Variants in DEPDC5 observed in about 807,000 individuals in gnomAD.
The protein encoded by DEPDC5 is GATOR1 complex protein DEPDC5.
DEPDC5 carries 73 observed loss-of-function variants against 217.3 expected under a neutral mutation model. The ratio of observed to expected loss-of-function variants is 0.34; its 90% CI spans 0.28 to 0.41. The LOEUF (loss-of-function observed/expected upper bound fraction) is 0.41, where lower values mean the gene tolerates loss of function less well. Among genes scored for constraint, DEPDC5 ranks in the 10% least tolerant of loss-of-function variants. The pLI is 1.00. For synonymous variants in DEPDC5, 733 were observed against 756.7 expected, an observed-to-expected ratio of 0.97 and a Z score of 0.51; for missense variants, 1,675 against 2,070.1, an observed-to-expected ratio of 0.81 and a Z score of 3.70.
chr22:31,829,771 C>T (rs929343396), intron 24 of DEPDC5, among the ~76,000 whole-genome samples: 1 of 152,122 alleles, frequency 6.6e-6, no homozygotes, highest in Non-Finnish European at 1.5e-5. Context: ...GCAGTCTTCA[C>T]TTGTTTTTCA....
intron 2 of DEPDC5, 84 bp downstream of exon 2, chr22:31,755,063 G>T (rs955975377): frequency 4.6e-6 from 7 of 1,516,046 alleles, no homozygotes; most frequent in Non-Finnish European, 6.4e-6. Context: ...ACACTGACTC[G>T]TGTGACAATT....
At chr22:31,795,441 T>G (rs543712416) in intron 12 of DEPDC5, among the ~76,000 whole-genome samples, 9 of 152,064 alleles carry the variant, frequency 5.9e-5, no homozygotes, top group Non-Finnish European at 1.0e-4. Context: ...TCACCCAGGC[T>G]GGAGTGCAGT....
chr22:31,879,364 A>G (rs973404945), intron 37 of DEPDC5, among the ~76,000 whole-genome samples, 161 bp from the exon 38 acceptor site: 4 of 151,906 alleles, frequency 2.6e-5, no homozygotes, highest in Non-Finnish European at 5.9e-5. Context: ...AGATTTGCCT[A>G]TTTGCTACGT....
chr22:31,800,638 G>T (rs1421166098), intron 14 of DEPDC5, among the ~76,000 whole-genome samples: 1 of 151,800 alleles, frequency 6.6e-6, no homozygotes, highest in Non-Finnish European at 1.5e-5. Flanking sequence ...TAAAAAATAA[G>T]AATTAAAATA....
chr22:31,843,544 A>G, intron 28 of DEPDC5, 101 bp from the exon 29 acceptor site: 1 of 1,395,990 alleles, frequency 7.2e-7, no homozygotes, highest in Non-Finnish European at 9.7e-7. Context: ...TGAGGGGTAA[A>G]TGTCAAGGAT....
chr22:31,883,355 G>A (rs1459981079), intron 38 of DEPDC5, among the ~76,000 whole-genome samples: 1 of 152,152 alleles, frequency 6.6e-6, no homozygotes, highest in Non-Finnish European at 1.5e-5. Context: ...TTTGGGGTAG[G>A]ATGAATGGTC....
At chr22:31,873,127 A>G (rs1474853893) in intron 34 of DEPDC5, 128 bp from the exon 35 acceptor site, 4 of 1,543,326 alleles carry the variant, frequency 2.6e-6, no homozygotes, top group Middle Eastern at 1.7e-4. Context: ...GGAATTTACT[A>G]AAATGCCTTT....
At chr22:31,774,660 G>A (rs1363593952) in intron 7 of DEPDC5, among the ~76,000 whole-genome samples, 2 of 150,868 alleles carry the variant, frequency 1.3e-5, no homozygotes, top group Non-Finnish European at 2.9e-5. Flanking sequence ...AGACAACATG[G>A]TGAAACCCCG....
intron 39 of DEPDC5, 132 bp downstream of exon 39, chr22:31,893,883 TA>T (rs1318381548): frequency 1.9e-6 from 2 of 1,045,468 alleles, no homozygotes; most frequent in Non-Finnish European, 2.6e-6. Flanking sequence ...ACTATTGGAG[TA>T]ACCTTTTTAA....
rs115660094 is a variant in DEPDC5, at chr22:31,818,771, T to G, written c.1667-251T>G. 4.2e-3 allele frequency among the ~76,000 whole-genome samples: 637 copies of G among 152,352 alleles called. 4 individuals are homozygous for G. Among genetic ancestry groups the G allele is most frequent in the African/African-American group, 0.015 (609 of 41,576 alleles). On this transcript the variant is annotated intron_variant, in intron 21 of 42. Coordinates refer to ENST00000651528, the MANE Select transcript of DEPDC5 (RefSeq NM_001242896.3). ...GGATCTTCAGGCAGTGTCCTTCCCA[T>G]CAGATTTGGTTGTGACTTCATTTTG...
At chr22:31,804,016 T>C in intron 15 of DEPDC5, 146 bp from the exon 16 acceptor site, 1 of 682,964 alleles carries the variant, frequency 1.5e-6, no homozygotes, top group South Asian at 2.0e-5. Context: ...TACTTCTTTG[T>C]TGGATAGGCA....
At chr22:31,882,743 C>G (rs1346499482) in intron 38 of DEPDC5, among the ~76,000 whole-genome samples, 1 of 151,390 alleles carries the variant, frequency 6.6e-6, no homozygotes, top group African/African-American at 2.4e-5. Context: ...CATTCTTTCT[C>G]TTTTTTTTTA....
intron 40 of DEPDC5, among the ~76,000 whole-genome samples, chr22:31,898,051 C>G (rs760069679): frequency 6.6e-6 from 1 of 152,062 alleles, no homozygotes; most frequent in Non-Finnish European, 1.5e-5. Context: ...TATGCTATTT[C>G]GTGCAAAAAG....
intron 32 of DEPDC5, 71 bp from the exon 33 acceptor site, chr22:31,861,297 C>A: frequency 7.1e-7 from 1 of 1,408,148 alleles, no homozygotes; most frequent in Non-Finnish European, 9.8e-7. Flanking sequence ...TGATGGTTAA[C>A]CACTGGTACA....
chr22:31,819,759 C>T (rs571227260), intron 22 of DEPDC5, among the ~76,000 whole-genome samples: 4 of 152,226 alleles, frequency 2.6e-5, no homozygotes, highest in African/African-American at 4.8e-5. Context: ...TGTGAGCCAC[C>T]GCATCCGGCC....
At chr22:31,802,958 C>T in intron 15 of DEPDC5, 120 bp downstream of exon 15, 2 of 1,308,070 alleles carry the variant, frequency 1.5e-6, no homozygotes, top group Non-Finnish European at 2.0e-6. Context: ...CTGTGTGTCA[C>T]AACGTCTGTG....
At chr22:31,802,602 A>G (rs1315866426) in intron 14 of DEPDC5, 102 bp from the exon 15 acceptor site, 1 of 1,346,908 alleles carries the variant, frequency 7.4e-7, no homozygotes, top group Non-Finnish European at 9.9e-7. Context: ...TGCTATAATA[A>G]AAATATGGGC....
intron 7 of DEPDC5, among the ~76,000 whole-genome samples, chr22:31,775,600 A>G (rs1569516008): frequency 6.6e-6 from 1 of 152,192 alleles, no homozygotes; most frequent in Non-Finnish European, 1.5e-5. Context: ...CACGGTGCTC[A>G]GCTAATAGCT....
intron 31 of DEPDC5, chr22:31,852,770 T>C (rs2149081884): frequency 6.6e-6 from 1 of 152,364 alleles, no homozygotes; most frequent in East Asian, 1.9e-4. Context: ...CCTTTAAAAT[T>C]ACAACAATTC....
Sources: allele counts gnomAD v4.1 joint callset (sites outside exome capture counted in the v4.1 genomes callset), GRCh38; gene constraint gnomAD v4.1.1; transcripts MANE v1.5; gene names NCBI Gene and HGNC (gene_info 2026-07-23, HGNC 2026-07-21).